Variants in MAN1B1 observed in about 807,000 individuals in gnomAD.
MAN1B1 encodes the protein endoplasmic reticulum mannosyl-oligosaccharide 1,2-alpha-mannosidase.
Under a neutral mutation model 75.5 loss-of-function variants are expected in MAN1B1, and 66 were observed. The observed-to-expected ratio is 0.87, with a 90% CI of 0.72 to 1.07. MAN1B1 has a LOEUF of 1.07. Ranked by LOEUF, MAN1B1 falls within the 50% of genes least tolerant of loss-of-function variation. The probability of loss-of-function intolerance (pLI) is 0.00; values close to 1 mark genes in which losing one functional copy is unlikely to be tolerated. For missense variants in MAN1B1, 973 were observed against 912.5 expected, an observed-to-expected ratio of 1.07 and a Z score of -0.85; for synonymous variants, 453 against 382.8, an observed-to-expected ratio of 1.18 and a Z score of -2.14.
intron 9 of MAN1B1, 148 bp downstream of exon 9, chr9:137,106,463 C>T (rs1831111327): frequency 2.0e-6 from 2 of 996,734 alleles, no homozygotes; most frequent in Admixed American, 4.6e-5. Flanking sequence ...CAGGCCTGGC[C>T]CAGGCATTTA....
rs139570484 is a variant in MAN1B1 at position 137,095,433 on chromosome 9, C to T, written c.466-804C>T. The stretch of plus-strand genomic sequence containing the variant: ...TCAGTAAAGAAGTACAAAATTATGG[C>T]TTGTGCCGGGCATGTTGGCTGCAAC... On this transcript the variant is annotated intron_variant, in intron 3 of 12. Transcript: ENST00000371589. Among the ~76,000 whole-genome samples, 1,358 of 151,970 alleles carry T rather than the reference C, an allele frequency of 8.9e-3. 12 individuals are homozygous for T. Among genetic ancestry groups the T allele is most frequent in the African/African-American group, 0.023 (962 of 41,448 alleles).
At position 137,087,051 on chromosome 9, in the gene MAN1B1, G is replaced by A; in HGVS notation, c.52G>A (p.Asp18Asn). The A allele has an allele frequency of 6.2e-7, 1 of 1,604,566 alleles. No individual in the cohort carries two copies. The highest frequency in any genetic ancestry group is 2.2e-5 in the East Asian group (1 of 44,556). Residue 18 changes from aspartate (D) to asparagine (N), a missense_variant, in exon 1 of 13, where the codon GAC becomes AAC. Asp to Asn is a conservative substitution (Grantham distance 23). Transcript: ENST00000371589. ...RSGALGSSQS[D>N]FLTPPVGGAP... ...CGGAGCTCTCGGTTCCTCTCAGTCG[G>A]ACTTCCTGACGCCGCCAGTGGGCGG...
chr9:137,089,947 G>A (rs1411907220), intron 3 of MAN1B1, among the ~76,000 whole-genome samples: 1 of 152,126 alleles, frequency 6.6e-6, no homozygotes, highest in Non-Finnish European at 1.5e-5. Context: ...GAGTCTGCCA[G>A]GGGAGACAGG....
intron 7 of MAN1B1, 135 bp downstream of exon 7, chr9:137,101,288 A>G: frequency 7.9e-7 from 1 of 1,262,522 alleles, no homozygotes; most frequent in Non-Finnish European, 1.1e-6. Flanking sequence ...CTGAGCTCAT[A>G]TTCGTGAGCT....
Position 137,106,366 on chromosome 9 carries a change from G to A in MAN1B1, c.1445+51G>A, listed in dbSNP as rs1014954741. ...CTCCCGCGGCTCCCCCGTTCCCGCAGCCCCCCACTCCTGCTGCCCCCAGCT... is the reference window on the plus strand; with the variant it reads ...CTCCCGCGGCTCCCCCGTTCCCGCAACCCCCCACTCCTGCTGCCCCCAGCT... On this transcript the variant is annotated intron_variant, in intron 9 of 12. Coordinates refer to ENST00000371589, the MANE Select transcript of MAN1B1 (RefSeq NM_016219.5). 5.4e-6 allele frequency: 8 copies of A among 1,482,862 alleles called. No individual in the cohort carries two copies. In the Admixed American group the frequency reaches 1.4e-4, roughly 26 times the overall value. 91.9% of individuals were successfully genotyped at this position (1,482,862 alleles called of 1,614,324 possible).
chr9:137,088,089 G>A lies in MAN1B1; in HGVS notation c.234G>A (p.Leu78=). 6.2e-7 allele frequency: 1 copy of A among 1,614,070 alleles called. No homozygotes were observed. Among genetic ancestry groups the A allele is most frequent in the Non-Finnish European group, 8.5e-7 (1 of 1,179,900 alleles). Residue 78 remains leucine (L), a synonymous_variant, in exon 2 of 13, where the codon CTG becomes CTA. Transcript: ENST00000371589. ...ACCTCCCTTAGAAATGGAAGCAACT[G>A]TCGAGATTGCAGCGGAATATGATTC... ...RRSCWRKWKQ[L]SRLQRNMILF... is the part of the protein sequence containing the mutation.
intron 2 of MAN1B1, chr9:137,088,402 A>G (rs767757942): frequency 6.3e-7 from 1 of 1,576,638 alleles, no homozygotes. Context: ...CTCTGGTGTA[A>G]GTACTGATAT....
chr9:137,087,462 A>G, intron 1 of MAN1B1: 1 of 691,216 alleles, frequency 1.4e-6, no homozygotes, highest in Non-Finnish European at 2.6e-6. Context: ...TCAGAGCCCC[A>G]GCAGGTTTTC....
At chr9:137,107,052 C>A (rs1831135985) in intron 10 of MAN1B1, 198 bp from the exon 11 acceptor site, 1 of 755,084 alleles carries the variant, frequency 1.3e-6, no homozygotes, top group South Asian at 1.9e-5. Flanking sequence ...GTAGCAGGTC[C>A]TCGGGCGGTG....
In MAN1B1 at chr9:137,108,602, T is replaced by C. The variant is rs772990877; in HGVS notation, c.*11T>C. On this transcript the variant is annotated 3_prime_UTR_variant, in exon 13 of 13. Coordinates refer to ENST00000371589, the MANE Select transcript of MAN1B1 (RefSeq NM_016219.5). ...TGGACCCCTGCCTAGGGTGGATGGC[T>C]GCTGGTGTGGGGACTTCGGGTGGGC... 6.2e-7 allele frequency: 1 copy of C among 1,613,318 alleles called. No individual in the cohort carries two copies. The highest frequency in any genetic ancestry group is 2.2e-5 in the East Asian group (1 of 44,888).
chr9:137,107,760 T>C, intron 12 of MAN1B1, 98 bp downstream of exon 12: 1 of 1,588,208 alleles, frequency 6.3e-7, no homozygotes, highest in Non-Finnish European at 8.6e-7. Context: ...GTGGTGGCTG[T>C]GACCTGGATC....
rs1564314089 is a variant in MAN1B1 at position 137,107,672 on chromosome 9, T to C, written c.1896+10T>C. The stretch of plus-strand genomic sequence containing the variant: ...CAGCCGATTCACACGGGTGAGCACC[T>C]GTCCTCGCCCCGCGTGGTCACGGCC... On this transcript the variant is annotated intron_variant, in intron 12 of 12. Coordinates refer to ENST00000371589, the MANE Select transcript of MAN1B1 (RefSeq NM_016219.5). The C allele has an allele frequency of 2.5e-6, 4 of 1,609,670 alleles. No homozygotes were observed. Among genetic ancestry groups the C allele is most frequent in the South Asian group, 1.1e-5 (1 of 91,088 alleles).
At chr9:137,106,856 G>A (rs1034553507) in intron 10 of MAN1B1, 47 bp downstream of exon 10, 1 of 1,605,190 alleles carries the variant, frequency 6.2e-7, no homozygotes, top group Non-Finnish European at 8.5e-7. Flanking sequence ...TTTTACCTTG[G>A]CTTCCAAGGT....
In MAN1B1 at chr9:137,099,844, C is replaced by T. The variant is rs761506586; in HGVS notation, c.879C>T (p.Asp293=). 8.7e-6 allele frequency: 14 copies of T among 1,614,084 alleles called. No homozygotes were observed. Among genetic ancestry groups the T allele is most frequent in the East Asian group, 6.7e-5 (3 of 44,908 alleles). The change falls in exon 6 of 13, where the codon GAC becomes GAT. Residue 293 remains aspartate, a synonymous_variant. Coordinates refer to ENST00000371589, the MANE Select transcript of MAN1B1 (RefSeq NM_016219.5). ...TTGGCCTCGGTCTCACACTGATCGA[C>T]GCGCTGGACACCATGTGGATCTTGG... The part of the protein sequence containing the change: ...EWFGLGLTLI[D]ALDTMWILGL...
intron 4 of MAN1B1, among the ~76,000 whole-genome samples, chr9:137,097,240 A>G (rs1324821696): frequency 1.3e-5 from 2 of 152,220 alleles, no homozygotes; most frequent in South Asian, 2.1e-4. Flanking sequence ...TACTCCCAGC[A>G]TGTAAGCCAT....
At chr9:137,101,296 G>A (rs961132382) in intron 7 of MAN1B1, 143 bp downstream of exon 7, 19 of 1,215,334 alleles carry the variant, frequency 1.6e-5, no homozygotes, top group Non-Finnish European at 2.3e-5. Context: ...ATATTCGTGA[G>A]CTGATGAAGC....
chr9:137,106,697 A>G lies in MAN1B1; in HGVS notation c.1454A>G (p.Glu485Gly). The G allele has an allele frequency of 6.2e-7, 1 of 1,613,470 alleles. No homozygotes were observed. Among genetic ancestry groups the G allele is most frequent in the Non-Finnish European group, 8.5e-7 (1 of 1,179,996 alleles). ...ACTGCTGGTGTCCACAGGCTGCTGG[A>G]AGACTACGTGGAAGCCATCGAGGGT... ...QGGKQETQLL[E>G]DYVEAIEGVR... The change falls in exon 10 of 13, where the codon GAA (glutamate) becomes GGA (glycine). Residue 485 changes from glutamate to glycine, a missense_variant. Transcript: ENST00000371589.
At chr9:137,107,154 C>A in intron 10 of MAN1B1, 96 bp from the exon 11 acceptor site, 1 of 1,350,070 alleles carries the variant, frequency 7.4e-7, no homozygotes, top group Non-Finnish European at 1.0e-6. Context: ...GGTACCAGGG[C>A]CGAGGCAGCG....
intron 8 of MAN1B1, chr9:137,104,383 T>C (rs1032567835): frequency 2.0e-5 from 6 of 295,518 alleles, no homozygotes; most frequent in South Asian, 2.0e-4. Flanking sequence ...TACAGGCGCC[T>C]GCCACCACGC....
Sources: gnomAD v4.1 joint callset for allele counts (sites outside exome capture counted in the v4.1 genomes callset) on GRCh38, gnomAD v4.1.1 for gene constraint, MANE v1.5 for transcripts, NCBI Gene and HGNC (gene_info 2026-07-23, HGNC 2026-07-21) for gene names.